CD28: variants seen among roughly 807,000 people sequenced by gnomAD.
CD28 encodes T-cell-specific surface glycoprotein CD28.
Under a neutral mutation model 21.4 loss-of-function variants are expected in CD28, and 8 were observed. That is an observed-to-expected ratio of 0.37 (90% confidence interval 0.22 to 0.68). The LOEUF (loss-of-function observed/expected upper bound fraction) is 0.68. Among genes scored for constraint, CD28 ranks in the 30% least tolerant of loss-of-function variants. CD28 has a pLI of 0.55. For synonymous variants in CD28, 106 were observed against 104.0 expected (o/e 1.02, Z -0.12); for missense variants, 239 against 272.2 (o/e 0.88, Z 0.86).
intron 2 of CD28, among the ~76,000 whole-genome samples, chr2:203,729,272 T>C (rs1024574197): frequency 5.9e-5 from 9 of 152,196 alleles, no homozygotes; most frequent in Admixed American, 2.6e-4. Flanking sequence ...AACATGCATA[T>C]TATTTAACTT....
At chr2:203,714,552 T>C (rs540710056) in intron 1 of CD28, among the ~76,000 whole-genome samples, 2 of 152,286 alleles carry the variant, frequency 1.3e-5, no homozygotes, top group South Asian at 4.1e-4. Flanking sequence ...GTGGGGGATG[T>C]GATTAGGAGT....
intron 3 of CD28, among the ~76,000 whole-genome samples, chr2:203,732,024 G>A (rs550117160): frequency 6.6e-6 from 1 of 152,220 alleles, no homozygotes; most frequent in African/African-American, 2.4e-5. Context: ...TTTACTCTGG[G>A]CTCATCTTTT....
chr2:203,730,243 C>G (rs977323805), intron 3 of CD28, among the ~76,000 whole-genome samples: 3 of 152,124 alleles, frequency 2.0e-5, no homozygotes, highest in Non-Finnish European at 4.4e-5. Context: ...ATCTGTTTAT[C>G]TGAGTCATAT....
At chr2:203,715,159 C>T (rs1186717940) in intron 1 of CD28, among the ~76,000 whole-genome samples, 1 of 152,030 alleles carries the variant, frequency 6.6e-6, no homozygotes, top group Non-Finnish European at 1.5e-5. Flanking sequence ...TAGATTAAAA[C>T]ATATATTTAG....
chr2:203,726,840 A>T lies in CD28; in HGVS notation c.260A>T (p.Asp87Val). The change falls in exon 2 of 4, where the codon GAT (aspartate) becomes GTT (valine). Residue 87 changes from aspartate (D) to valine (V), a missense_variant. Coordinates refer to ENST00000324106, the MANE Select transcript of CD28 (RefSeq NM_006139.4). ...QVYSKTGFNC[D>V]GKLGNESVTF... is the part of the protein sequence containing the mutation. ...TACTCAAAAACGGGGTTCAACTGTG[A>T]TGGGAAATTGGGCAATGAATCAGTG... 6.2e-7 allele frequency: 1 copy of T among 1,614,198 alleles called. No homozygotes were observed. The highest frequency in any genetic ancestry group is 1.6e-4 in the Middle Eastern group (1 of 6,062).
At chr2:203,707,409 C>T (rs1693189004) in intron 1 of CD28, among the ~76,000 whole-genome samples, 1 of 152,138 alleles carries the variant, frequency 6.6e-6, no homozygotes, top group South Asian at 2.1e-4. Flanking sequence ...ATGCGAAGGG[C>T]TTAGCTCAGT....
chr2:203,729,632 C>T lies in CD28; in HGVS notation c.410-16C>T. 1.2e-6 allele frequency: 2 copies of T among 1,611,490 alleles called. No individual in the cohort carries two copies. The highest frequency in any genetic ancestry group is 1.7e-6 in the Non-Finnish European group (2 of 1,178,818). On this transcript the variant is annotated splice_polypyrimidine_tract_variant and intron_variant, in intron 2 of 3. Coordinates refer to ENST00000324106, the MANE Select transcript of CD28 (RefSeq NM_006139.4). Reference sequence around the variant, plus strand: ...CTATTCCTGTATCATTTAATCCACTCTATTTTGTTTTTCAGGGAAACACCT... The same window carrying T: ...CTATTCCTGTATCATTTAATCCACTTTATTTTGTTTTTCAGGGAAACACCT...
chr2:203,723,786 G>C (rs1693671769), intron 1 of CD28, among the ~76,000 whole-genome samples: 1 of 152,198 alleles, frequency 6.6e-6, no homozygotes, highest in Non-Finnish European at 1.5e-5. Context: ...CTCATTCACT[G>C]CTGGTGAGAA....
At chr2:203,731,985 G>T (rs1051584653) in intron 3 of CD28, among the ~76,000 whole-genome samples, 1 of 152,122 alleles carries the variant, frequency 6.6e-6, no homozygotes, top group Non-Finnish European at 1.5e-5. Flanking sequence ...ATACAAGTTT[G>T]TCTATATTTC....
intron 3 of CD28, among the ~76,000 whole-genome samples, chr2:203,732,317 T>C (rs991257939): frequency 2.0e-5 from 3 of 152,134 alleles, no homozygotes; most frequent in African/African-American, 7.2e-5. Context: ...TTTGAGTAAA[T>C]AAAGAGCTCC....
In CD28 at chr2:203,728,825, G is replaced by T. The variant is rs566295701; in HGVS notation, c.410-823G>T. Among the ~76,000 whole-genome samples the T allele has an allele frequency of 3.3e-5, 5 of 152,158 alleles. No homozygotes were observed. The East Asian group carries it at 5.8e-4, about 18-fold the overall frequency. ...ACATATACACATATCATTTATGTTA[G>T]AACTGAGAAGGACACCAATGATCCT... On this transcript the variant is annotated intron_variant, in intron 2 of 3. Coordinates refer to ENST00000324106, the MANE Select transcript of CD28 (RefSeq NM_006139.4).
chr2:203,712,370 C>G (rs1693338239), intron 1 of CD28, among the ~76,000 whole-genome samples: 1 of 152,070 alleles, frequency 6.6e-6, no homozygotes, highest in African/African-American at 2.4e-5. Context: ...CAGTCACTAC[C>G]TCACCATGCT....
At chr2:203,724,393 T>C (rs1009926565) in intron 1 of CD28, among the ~76,000 whole-genome samples, 1 of 152,208 alleles carries the variant, frequency 6.6e-6, no homozygotes, top group Non-Finnish European at 1.5e-5. Flanking sequence ...CTGAATTATA[T>C]CTCAATAAAG....
chr2:203,726,313 A>T (rs189982259), intron 1 of CD28, among the ~76,000 whole-genome samples: 6 of 152,322 alleles, frequency 3.9e-5, no homozygotes. Flanking sequence ...CCAATGCATG[A>T]TTAATATTAA....
chr2:203,734,045 C>T (rs1461131774), intron 3 of CD28, among the ~76,000 whole-genome samples: 1 of 152,232 alleles, frequency 6.6e-6, no homozygotes, highest in Non-Finnish European at 1.5e-5. Context: ...ATCCAGAAAT[C>T]TGATGGCTTT....
chr2:203,716,680 C>T (rs955595567), intron 1 of CD28, among the ~76,000 whole-genome samples: 2 of 152,126 alleles, frequency 1.3e-5, no homozygotes, highest in East Asian at 3.8e-4. Flanking sequence ...TGACCTTTGA[C>T]TTACTTTCTG....
At chr2:203,716,607 C>T (rs1189139873) in intron 1 of CD28, among the ~76,000 whole-genome samples, 1 of 152,070 alleles carries the variant, frequency 6.6e-6, no homozygotes, top group Non-Finnish European at 1.5e-5. Context: ...ATAACTTTTC[C>T]CTCTCAAAAA....
rs1358741507 is a variant in CD28, at chr2:203,706,735, A to C, written c.39A>C (p.Ser13=). The C allele has an allele frequency of 6.2e-7, 1 of 1,612,342 alleles. No individual in the cohort carries two copies. Among genetic ancestry groups the C allele is most frequent in the Non-Finnish European group, 8.5e-7 (1 of 1,178,404 alleles). The change falls in exon 1 of 4, where the codon TCA becomes TCC. Residue 13 remains serine (S), a synonymous_variant. Transcript: ENST00000324106. ...TCTTGGCTCTCAACTTATTCCCTTC[A>C]ATTCAAGTAACAGGTAAACAATGTT... The part of the protein sequence containing the change: ...RLLLALNLFP[S]IQVTGNKILV...
At chr2:203,718,387 G>T (rs1023441800) in intron 1 of CD28, among the ~76,000 whole-genome samples, 2 of 152,184 alleles carry the variant, frequency 1.3e-5, no homozygotes, top group Non-Finnish European at 2.9e-5. Context: ...TAGCTCTGTG[G>T]TCAGGAGGGA....
Sources: gnomAD v4.1 joint callset for allele counts (sites outside exome capture counted in the v4.1 genomes callset) on GRCh38, gnomAD v4.1.1 for gene constraint, MANE v1.5 for transcripts, NCBI Gene and HGNC (gene_info 2026-07-23, HGNC 2026-07-21) for gene names.